Variants in VPS13B observed in about 807,000 individuals in gnomAD.
VPS13B encodes intermembrane lipid transfer protein VPS13B.
Under a neutral mutation model 426.4 loss-of-function variants are expected in VPS13B, and 285 were observed. The observed-to-expected ratio is 0.67, with a 90% CI of 0.61 to 0.74. The LOEUF is 0.74. Ranked by LOEUF, VPS13B falls within the 30% of genes least tolerant of loss-of-function variation. VPS13B has a pLI of 0.00. For missense variants in VPS13B, 4,537 were observed against 4,782.6 expected (o/e 0.95, Z 1.51); for synonymous variants, 1,676 against 1,676.4 (o/e 1.00, Z 0.01).
intron 24 of VPS13B, among the ~76,000 whole-genome samples, chr8:99,468,991 G>C (rs1819257243): frequency 6.6e-6 from 1 of 151,556 alleles, no homozygotes; most frequent in South Asian, 2.1e-4. Context: ...TATACTGTTT[G>C]ATTTAACTTT....
At chr8:99,373,710 A>C (rs1813318707) in intron 19 of VPS13B, among the ~76,000 whole-genome samples, 1 of 152,088 alleles carries the variant, frequency 6.6e-6, no homozygotes, top group Non-Finnish European at 1.5e-5. Context: ...ATATAAAATA[A>C]AAATAGCCGG....
intron 31 of VPS13B, among the ~76,000 whole-genome samples, chr8:99,574,205 G>A (rs1302627237): frequency 3.9e-5 from 6 of 152,198 alleles, no homozygotes; most frequent in Admixed American, 3.9e-4. Context: ...TTTGGGCTGA[G>A]AGGATGGGGT....
chr8:99,818,444 T>C lies in VPS13B; in HGVS notation c.8362-7T>C. 1.2e-6 allele frequency: 2 copies of C among 1,613,950 alleles called. No individual in the cohort carries two copies. Among genetic ancestry groups the C allele is most frequent in the Non-Finnish European group, 1.7e-6 (2 of 1,179,812 alleles). On this transcript the variant is annotated splice_region_variant and splice_polypyrimidine_tract_variant and intron_variant, in intron 45 of 61. Coordinates refer to ENST00000357162, the MANE Select transcript of VPS13B (RefSeq NM_152564.5). ...TTCAATAGGACCCTTTGCTATTTCATGTGCAGGTGCCATCTTCAAACAGTT... is the reference window on the plus strand; with the variant it reads ...TTCAATAGGACCCTTTGCTATTTCACGTGCAGGTGCCATCTTCAAACAGTT...
intron 2 of VPS13B, among the ~76,000 whole-genome samples, chr8:99,019,719 A>G (rs535075795): frequency 6.6e-6 from 1 of 152,348 alleles, no homozygotes; most frequent in South Asian, 2.1e-4. Context: ...AGTACTTCAT[A>G]TAAGTGGAAT....
chr8:99,364,954 T>G (rs777535502), intron 19 of VPS13B, among the ~76,000 whole-genome samples: 1 of 152,186 alleles, frequency 6.6e-6, no homozygotes, highest in Non-Finnish European at 1.5e-5. Context: ...TTGATCTCAT[T>G]ACTTGCTATT....
chr8:99,071,205 G>A (rs1844832816), intron 3 of VPS13B, among the ~76,000 whole-genome samples: 1 of 152,084 alleles, frequency 6.6e-6, no homozygotes, highest in African/African-American at 2.4e-5. Context: ...AGTTTTCACA[G>A]TCTGGGCTTG....
chr8:99,383,189 C>T (rs751106910), intron 19 of VPS13B, among the ~76,000 whole-genome samples: 1 of 152,164 alleles, frequency 6.6e-6, no homozygotes, highest in Admixed American at 6.5e-5. Context: ...GTTGGAATTG[C>T]AGCCTGTTAC....
rs1368028106 is a variant in VPS13B at position 99,111,377 on chromosome 8, C to T, written c.762+98C>T. On this transcript the variant is annotated intron_variant, in intron 6 of 61. Transcript: ENST00000357162. Reference sequence around the variant, plus strand: ...ATTATTAACAAATGAAGAAATTAACCTTGTAAATATGTATGCCATTTGTTT... The same window carrying T: ...ATTATTAACAAATGAAGAAATTAACTTTGTAAATATGTATGCCATTTGTTT... 7.1e-5 allele frequency: 71 copies of T among 996,926 alleles called. No homozygotes were observed. The East Asian group carries it at 1.8e-3, about 26-fold the overall frequency. The allele number at this position is 996,926 out of a possible 1,614,324, so 61.8% of individuals were successfully genotyped here.
At chr8:99,530,439 A>T (rs1281958386) in intron 30 of VPS13B, among the ~76,000 whole-genome samples, 2 of 152,076 alleles carry the variant, frequency 1.3e-5, no homozygotes, top group Admixed American at 6.6e-5. Flanking sequence ...ACATGGTGAA[A>T]CCCTATTTCT....
chr8:99,658,697 T>C (rs1314655942), intron 34 of VPS13B, among the ~76,000 whole-genome samples: 1 of 152,188 alleles, frequency 6.6e-6, no homozygotes, highest in African/African-American at 2.4e-5. Flanking sequence ...ACATTTAAAA[T>C]CAGTTATGTA....
At chr8:99,448,346 T>C (rs1164686685) in intron 23 of VPS13B, among the ~76,000 whole-genome samples, 2 of 152,010 alleles carry the variant, frequency 1.3e-5, no homozygotes, top group Non-Finnish European at 2.9e-5. Context: ...CACATGGTTA[T>C]TCTCATTGAC....
At chr8:99,770,955 G>A (rs867070731) in intron 40 of VPS13B, among the ~76,000 whole-genome samples, 3 of 152,336 alleles carry the variant, frequency 2.0e-5, no homozygotes, top group Middle Eastern at 6.8e-3. Context: ...GGAATCATGA[G>A]CCCTACTCTC....
chr8:99,660,339 C>G (rs975025333), intron 34 of VPS13B, among the ~76,000 whole-genome samples: 3 of 152,164 alleles, frequency 2.0e-5, no homozygotes, highest in African/African-American at 7.2e-5. Context: ...ATATAATACA[C>G]TGTATGTAAA....
chr8:99,150,299 T>G (rs1238639040), intron 14 of VPS13B, among the ~76,000 whole-genome samples: 2 of 152,142 alleles, frequency 1.3e-5, no homozygotes, highest in Non-Finnish European at 1.5e-5. Flanking sequence ...TTTCATAAAC[T>G]GACTCCCCCC....
intron 21 of VPS13B, among the ~76,000 whole-genome samples, chr8:99,423,144 G>T (rs1340241673): frequency 1.3e-5 from 2 of 151,806 alleles, no homozygotes; most frequent in East Asian, 3.9e-4. Flanking sequence ...TGCTGTTACA[G>T]AAATTACCAC....
chr8:99,556,395 G>C (rs767457198), intron 30 of VPS13B, 55 bp from the exon 31 acceptor site: 10 of 1,553,162 alleles, frequency 6.4e-6, no homozygotes. Flanking sequence ...AACATAGAAT[G>C]GTTATTTTAT....
At chr8:99,296,796 G>A (rs978816231) in intron 19 of VPS13B, among the ~76,000 whole-genome samples, 1 of 152,160 alleles carries the variant, frequency 6.6e-6, no homozygotes, top group Admixed American at 6.5e-5. Context: ...TGAGGACATA[G>A]CTTTCAGGTC....
chr8:99,575,698 G>T lies in VPS13B; in HGVS notation c.4990G>T (p.Val1664Phe). 1.2e-6 allele frequency: 2 copies of T among 1,613,774 alleles called. No individual in the cohort carries two copies. The highest frequency in any genetic ancestry group is 1.7e-6 in the Non-Finnish European group (2 of 1,179,858). The change falls in exon 32 of 62, where the codon GTT becomes TTT. Residue 1664 changes from valine (V) to phenylalanine (F), a missense_variant. Val to Phe is a conservative substitution (Grantham distance 50, BLOSUM62 -1). This residue lies in a region of VPS13B where 4,311 missense variants were observed against 4,474.3 expected (regional missense o/e 0.96). Coordinates refer to ENST00000357162, the MANE Select transcript of VPS13B (RefSeq NM_152564.5). ...AGAAAGGAGAGCAATTTTGACCCCCGTTTTGACAGATTTTTCTGTCCGAAT... is the reference window on the plus strand; with the variant it reads ...AGAAAGGAGAGCAATTTTGACCCCCTTTTTGACAGATTTTTCTGTCCGAAT... ...HQERRAILTP[V>F]LTDFSVRITG... is the part of the protein sequence containing the mutation.
chr8:99,831,076 C>CTTTTTTTTTTCTT (rs1554573281), intron 51 of VPS13B, among the ~76,000 whole-genome samples: 1 of 120,084 alleles, frequency 8.3e-6, no homozygotes, highest in East Asian at 2.6e-4. Flanking sequence ...GTGTTTTTTT[C>CTTTTTTTTTTCTT]TTTTTTTTTT....
Sources: gnomAD v4.1 joint callset for allele counts (sites outside exome capture counted in the v4.1 genomes callset) on GRCh38, gnomAD v4.1.1 for gene constraint, gnomAD v4.1.1 regional missense constraint, MANE v1.5 for transcripts, NCBI Gene and HGNC (gene_info 2026-07-23, HGNC 2026-07-21) for gene names.